Variants in TAS2R1 observed in about 807,000 individuals in gnomAD.
TAS2R1 encodes the protein taste receptor type 2 member 1.
For missense variants in TAS2R1, 370 were observed against 353.4 expected (o/e 1.05, Z -0.38); for synonymous variants, 141 against 134.2 (o/e 1.05, Z -0.35).
the TAS2R1 span, among the ~76,000 whole-genome samples, chr5:9,787,950 C>T: frequency 7.0e-4 from 107 of 152,208 alleles, 1 homozygote; most frequent in Admixed American, 2.0e-4. Context: ...GGGGCAGATG[C>T]TTTCTGCACA....
chr5:9,670,640 C>T (rs1347556659), intron 1 of TAS2R1, among the ~76,000 whole-genome samples: 2 of 152,004 alleles, frequency 1.3e-5, no homozygotes, highest in Non-Finnish European at 2.9e-5. Flanking sequence ...AAAACTGAAG[C>T]AGTAATAAAA....
At chr5:9,668,886 T>G (rs1740695547) in intron 1 of TAS2R1, among the ~76,000 whole-genome samples, 1 of 151,640 alleles carries the variant, frequency 6.6e-6, no homozygotes, top group Non-Finnish European at 1.5e-5. Context: ...GCTAACAACA[T>G]GATGACAGGA....
the TAS2R1 span, among the ~76,000 whole-genome samples, chr5:9,787,031 G>T: frequency 7.9e-5 from 12 of 152,270 alleles, no homozygotes; most frequent in African/African-American, 2.6e-4. Flanking sequence ...TGGACTCACT[G>T]CATTTCCCTC....
At chr5:9,714,495 G>A (rs1734766403), upstream of TAS2R1, among the ~76,000 whole-genome samples, 1 of 152,198 alleles carries the variant, frequency 6.6e-6, no homozygotes, top group African/African-American at 2.4e-5. Flanking sequence ...CACCAGATGT[G>A]TGATCTTGGG....
At chr5:9,645,938 T>C (rs1740177880) in intron 2 of TAS2R1, among the ~76,000 whole-genome samples, 1 of 152,200 alleles carries the variant, frequency 6.6e-6, no homozygotes, top group African/African-American at 2.4e-5. Flanking sequence ...CAGTTGTTAC[T>C]GAAGTGGGCT....
chr5:9,755,816 C>A, the TAS2R1 span, among the ~76,000 whole-genome samples: 1 of 152,154 alleles, frequency 6.6e-6, no homozygotes, highest in Admixed American at 6.5e-5. Flanking sequence ...TCTGACATTG[C>A]TATGGCATGT....
At chr5:9,798,396 C>T in the TAS2R1 span, among the ~76,000 whole-genome samples, 1 of 152,118 alleles carries the variant, frequency 6.6e-6, no homozygotes, top group African/African-American at 2.4e-5. Flanking sequence ...TTAGTAATTA[C>T]ACATCAATAA....
the TAS2R1 span, among the ~76,000 whole-genome samples, chr5:9,802,483 C>A: frequency 6.6e-6 from 1 of 152,266 alleles, no homozygotes; most frequent in East Asian, 1.9e-4. Context: ...GGAGAAGGAA[C>A]CAGAAAAGCA....
the TAS2R1 span, among the ~76,000 whole-genome samples, chr5:9,818,500 C>T: frequency 6.6e-6 from 1 of 152,172 alleles, no homozygotes; most frequent in East Asian, 1.9e-4. Context: ...ACAGGTCAGC[C>T]ATGTGGGCTG....
At chr5:9,778,252 C>T in the TAS2R1 span, among the ~76,000 whole-genome samples, 2 of 152,148 alleles carry the variant, frequency 1.3e-5, no homozygotes, top group East Asian at 1.9e-4. Context: ...CAGTAGATCT[C>T]GATGGTGGGC....
Position 9,629,364 on chromosome 5 carries a change from G to A in TAS2R1, c.669C>T (p.Pro223=). The change falls in exon 1 of 1, where the codon CCC becomes CCT. Residue 223 remains proline, a synonymous_variant. Coordinates refer to ENST00000382492, the MANE Select transcript of TAS2R1 (RefSeq NM_019599.3). ...ACAGGATAGACAGCAACGCGCTGAT[G>A]GGTGCACCCCTGCCAGGAACCCTGC... ...AGSRVPGRGA[P]ISALLSILSF... 1.9e-6 allele frequency: 3 copies of A among 1,614,044 alleles called. No individual in the cohort carries two copies. The highest frequency in any genetic ancestry group is 4.5e-5 in the East Asian group (2 of 44,876).
the TAS2R1 span, among the ~76,000 whole-genome samples, chr5:9,886,559 C>T: frequency 4.0e-5 from 6 of 151,164 alleles, no homozygotes; most frequent in African/African-American, 1.2e-4. Context: ...GTCTCCAACT[C>T]CTGACCTCAG....
rs139317016 is a variant in TAS2R1, at chr5:9,700,855, G to T, written c.-242+11317C>A. Among the ~76,000 whole-genome samples the T allele has an allele frequency of 3.0e-4, 46 of 152,120 alleles. 1 individual carries two copies. The highest frequency in any genetic ancestry group is 1.0e-3 in the South Asian group (5 of 4,820). ...AGGATGCCGGTCATGTTAGATTTAA[G>T]ACCCATCCTAATAACCTCATTCTTA... On this transcript the variant is annotated intron_variant, in intron 1 of 2. Coordinates refer to the TAS2R1 transcript ENST00000506620.
chr5:9,683,989 G>A (rs1420034240), intron 1 of TAS2R1, among the ~76,000 whole-genome samples: 1 of 151,986 alleles, frequency 6.6e-6, no homozygotes, highest in Non-Finnish European at 1.5e-5. Context: ...TTAATGCAGG[G>A]ATTATAGGAG....
chr5:9,642,123 A>AT lies in TAS2R1; in HGVS notation c.-80-12132dup, dbSNP rs989950278. Among the ~76,000 whole-genome samples, 15 of 152,118 alleles carry AT rather than the reference A, an allele frequency of 9.9e-5. 1 individual carries two copies. The highest frequency in any genetic ancestry group is 9.2e-4 in the Admixed American group (14 of 15,264). On this transcript the variant is annotated intron_variant, in intron 2 of 2. Transcript: ENST00000506620. The stretch of plus-strand genomic sequence containing the variant: ...ATTTAGCTCCTCAAAAGAAAGTGCG[A>AT]TTTTTTTCACATGCAGTTAGATTGA...
chr5:9,874,204 G>A, the TAS2R1 span, among the ~76,000 whole-genome samples: 1 of 151,928 alleles, frequency 6.6e-6, no homozygotes, highest in Non-Finnish European at 1.5e-5. Context: ...ATTTTTCCTG[G>A]CTTGGTGGCA....
the TAS2R1 span, among the ~76,000 whole-genome samples, chr5:9,820,733 T>C: frequency 3.3e-5 from 5 of 152,200 alleles, 1 homozygote; most frequent in Non-Finnish European, 7.3e-5. Flanking sequence ...ACTCAAACTC[T>C]GCTTTATGAA....
the TAS2R1 span, among the ~76,000 whole-genome samples, chr5:9,786,392 T>C: frequency 2.0e-5 from 3 of 152,182 alleles, no homozygotes; most frequent in African/African-American, 7.2e-5. Flanking sequence ...TTGATATAGA[T>C]GCTGTAAACT....
At chr5:9,673,709 T>C (rs1379182338) in intron 1 of TAS2R1, among the ~76,000 whole-genome samples, 2 of 152,094 alleles carry the variant, frequency 1.3e-5, no homozygotes, top group Non-Finnish European at 2.9e-5. Flanking sequence ...AGAGGTTTGC[T>C]TTTCCAGTTC....
Sources: gnomAD v4.1 joint callset for allele counts (sites outside exome capture counted in the v4.1 genomes callset) on GRCh38, gnomAD v4.1.1 for gene constraint, MANE v1.5 for transcripts, NCBI Gene and HGNC (gene_info 2026-07-23, HGNC 2026-07-21) for gene names.